PSTPIP1: variants seen among roughly 807,000 people sequenced by gnomAD.
PSTPIP1 encodes the protein proline-serine-threonine phosphatase interacting protein 1, also known as proline-serine-threonine phosphatase-interacting protein 1.
In PSTPIP1, 66 loss-of-function variants were observed where a neutral mutation model predicts 69.6. That is an observed-to-expected ratio of 0.95 (90% CI 0.78 to 1.16). The LOEUF is 1.16. Among genes scored for constraint, PSTPIP1 ranks in the 50% most tolerant of loss-of-function variants. The pLI, the probability that PSTPIP1 is intolerant of heterozygous loss-of-function variation, is 0.00. For missense variants in PSTPIP1, 603 were observed against 557.4 expected, an observed-to-expected ratio of 1.08 and a Z score of -0.82; for synonymous variants, 266 against 222.7, an observed-to-expected ratio of 1.19 and a Z score of -1.73.
At chr15:77,034,729 C>T (rs1338168790) in intron 12 of PSTPIP1, among the ~76,000 whole-genome samples, 2 of 152,240 alleles carry the variant, frequency 1.3e-5, no homozygotes, top group South Asian at 2.1e-4. Context: ...AGCCCCACCC[C>T]ACTAAGAAGC....
chr15:77,022,721 C>G (rs1248241781), intron 3 of PSTPIP1, among the ~76,000 whole-genome samples: 1 of 152,166 alleles, frequency 6.6e-6, no homozygotes, highest in African/African-American at 2.4e-5. Flanking sequence ...TCATCTGGGG[C>G]CAAGAAAGGG....
Position 77,032,891 on chromosome 15 carries a change from C to G in PSTPIP1, c.868C>G (p.Arg290Gly). Reference sequence around the variant, plus strand: ...GGTGCCCTACCAGAACTATTACGATCGGGAGGTCACCCCGCTGACCAGCAG... The same window carrying G: ...GGTGCCCTACCAGAACTATTACGATGGGGAGGTCACCCCGCTGACCAGCAG... ...APVPYQNYYD[R>G]EVTPLTSSPG... Residue 290 changes from arginine (R) to glycine (G), a missense_variant, in exon 12 of 15, where the codon CGG (arginine) becomes GGG (glycine). Arg to Gly is a moderately radical substitution (Grantham distance 125, BLOSUM62 -2). Coordinates refer to ENST00000558012, the MANE Select transcript of PSTPIP1 (RefSeq NM_003978.5). The G allele has an allele frequency of 1.2e-6, 2 of 1,601,882 alleles. No individual in the cohort carries two copies. The highest frequency in any genetic ancestry group is 1.7e-6 in the Non-Finnish European group (2 of 1,174,804).
rs758079120 is a variant in PSTPIP1, at chr15:77,031,292, G to A, written c.741+14G>A. 1.9e-6 allele frequency: 3 copies of A among 1,611,116 alleles called. No individual in the cohort carries two copies. The highest frequency in any genetic ancestry group is 2.5e-6 in the Non-Finnish European group (3 of 1,178,444). Reference sequence around the variant, plus strand: ...AAGGATGATGAGGTGGGGGCTGAGGGCCTTGGTGTGGGGTAAGGTAGGGCA... The same window carrying A: ...AAGGATGATGAGGTGGGGGCTGAGGACCTTGGTGTGGGGTAAGGTAGGGCA... On this transcript the variant is annotated intron_variant, in intron 10 of 14. Coordinates refer to ENST00000558012, the MANE Select transcript of PSTPIP1 (RefSeq NM_003978.5).
chr15:77,035,389 A>T, intron 12 of PSTPIP1, 119 bp from the exon 13 acceptor site: 2 of 1,060,204 alleles, frequency 1.9e-6, no homozygotes, highest in South Asian at 1.4e-5. Context: ...GGCTAGGGGC[A>T]GTCCCAGCCC....
At chr15:77,004,437 G>A (rs1207146118) in intron 1 of PSTPIP1, among the ~76,000 whole-genome samples, 5 of 152,180 alleles carry the variant, frequency 3.3e-5, no homozygotes, top group African/African-American at 1.2e-4. Context: ...TCCCAGCTGT[G>A]GAAACAGGAA....
At chr15:77,033,231 G>A (rs1175515242) in intron 12 of PSTPIP1, among the ~76,000 whole-genome samples, 2 of 152,176 alleles carry the variant, frequency 1.3e-5, no homozygotes, top group Admixed American at 6.5e-5. Context: ...TGGCTTCCTT[G>A]TCCCTGGGGC....
intron 1 of PSTPIP1, among the ~76,000 whole-genome samples, chr15:77,004,392 T>C (rs1462044483): frequency 6.6e-6 from 1 of 151,992 alleles, no homozygotes; most frequent in Non-Finnish European, 1.5e-5. Context: ...CAGCAGCCAG[T>C]GTGGGGATGT....
chr15:77,022,878 A>G (rs531335418), intron 3 of PSTPIP1, among the ~76,000 whole-genome samples: 83 of 152,298 alleles, frequency 5.4e-4, no homozygotes, highest in African/African-American at 1.8e-3. Context: ...CTGCCCAGGT[A>G]CCCCAGACAG....
At chr15:77,014,886 G>C (rs946451184) in intron 1 of PSTPIP1, among the ~76,000 whole-genome samples, 10 of 152,246 alleles carry the variant, frequency 6.6e-5, no homozygotes, top group African/African-American at 2.4e-4. Context: ...CTGGGATGCC[G>C]CCTGAGGCCG....
intron 12 of PSTPIP1, 126 bp from the exon 13 acceptor site, chr15:77,035,382 T>C (rs890822102): frequency 9.9e-7 from 1 of 1,005,262 alleles, no homozygotes; most frequent in African/African-American, 1.6e-5. Context: ...GCCTGGAGGC[T>C]AGGGGCAGTC....
intron 5 of PSTPIP1, among the ~76,000 whole-genome samples, chr15:77,026,669 C>T (rs913971200): frequency 6.6e-6 from 1 of 152,246 alleles, no homozygotes; most frequent in Non-Finnish European, 1.5e-5. Flanking sequence ...GCGTGGCTGC[C>T]CGTGCCACCT....
chr15:77,002,825 A>G (rs955892263), intron 1 of PSTPIP1, among the ~76,000 whole-genome samples: 1 of 149,956 alleles, frequency 6.7e-6, no homozygotes, highest in African/African-American at 2.5e-5. Flanking sequence ...TGGAACCCAC[A>G]TGCTTTTCCT....
At chr15:77,010,651 A>G (rs542853723) in intron 1 of PSTPIP1, among the ~76,000 whole-genome samples, 14 of 151,256 alleles carry the variant, frequency 9.3e-5, no homozygotes, top group African/African-American at 3.4e-4. Context: ...TCTCTTTTCT[A>G]TTTCTTTTTC....
In PSTPIP1 at chr15:77,030,523, T is replaced by C. The variant is rs771232034; in HGVS notation, c.584T>C (p.Ile195Thr). ...TEAERVYRQS[I>T]AQLEKVRAEW... ...TCAGAGCGGGTATACAGGCAGAGCA[T>C]TGCGCAGCTGGAGAAGGTCCGGGCT... The change falls in exon 9 of 15, where the codon ATT becomes ACT. Residue 195 changes from isoleucine to threonine, a missense_variant. Physicochemically the swap from Ile to Thr is moderately conservative, Grantham distance 89 (BLOSUM62 -1). Transcript: ENST00000558012. 338 of 1,612,400 alleles carry C rather than the reference T, an allele frequency of 2.1e-4. No homozygotes were observed. Among genetic ancestry groups the C allele is most frequent in the Non-Finnish European group, 2.7e-4 (322 of 1,179,570 alleles).
intron 12 of PSTPIP1, among the ~76,000 whole-genome samples, chr15:77,033,755 G>C (rs767320107): frequency 2.0e-5 from 3 of 152,100 alleles, no homozygotes; most frequent in Non-Finnish European, 4.4e-5. Context: ...CAGGGCCTCA[G>C]GAGCCCCTGG....
chr15:77,020,912 G>T (rs1053777744), intron 3 of PSTPIP1, among the ~76,000 whole-genome samples: 10 of 151,592 alleles, frequency 6.6e-5, no homozygotes, highest in Non-Finnish European at 1.3e-4. Context: ...AAGGTGACCC[G>T]GCTCTTCAAC....
At chr15:77,030,417 G>A in intron 8 of PSTPIP1, 85 bp from the exon 9 acceptor site, 1 of 1,398,356 alleles carries the variant, frequency 7.2e-7, no homozygotes, top group South Asian at 1.2e-5. Flanking sequence ...CCCAGTGGGA[G>A]GAGGCATCCA....
intron 1 of PSTPIP1, among the ~76,000 whole-genome samples, chr15:77,006,711 C>A (rs765069251): frequency 6.6e-6 from 1 of 152,190 alleles, no homozygotes; most frequent in Non-Finnish European, 1.5e-5. Context: ...GTCCTTTTCT[C>A]ATAGAATGGT....
chr15:77,008,032 G>A, intron 1 of PSTPIP1: 1 of 456,594 alleles, frequency 2.2e-6, no homozygotes, highest in Non-Finnish European at 4.4e-6. Context: ...ACTACAGGTG[G>A]TAGGAAGACC....
Sources: allele counts gnomAD v4.1 joint callset (sites outside exome capture counted in the v4.1 genomes callset), GRCh38; gene constraint gnomAD v4.1.1; transcripts MANE v1.5; gene names NCBI Gene and HGNC (gene_info 2026-07-23, HGNC 2026-07-21).